KIAA1614: variants seen among roughly 807,000 people sequenced by gnomAD.
The protein encoded by KIAA1614 is KIAA1614.
Under a neutral mutation model 88.7 loss-of-function variants are expected in KIAA1614, and 76 were observed. That is an observed-to-expected ratio of 0.86 (90% CI 0.71 to 1.04). The LOEUF (loss-of-function observed/expected upper bound fraction) is 1.04. Among genes scored for constraint, KIAA1614 ranks in the 50% least tolerant of loss-of-function variants. KIAA1614 has a pLI of 0.00. For synonymous variants in KIAA1614, 714 were observed against 675.5 expected, an observed-to-expected ratio of 1.06 and a Z score of -0.88; for missense variants, 1,553 against 1,582.5, an observed-to-expected ratio of 0.98 and a Z score of 0.32.
chr1:180,918,886 G>A (rs144607498), intron 3 of KIAA1614, among the ~76,000 whole-genome samples: 301 of 152,282 alleles, frequency 2.0e-3, no homozygotes, highest in African/African-American at 6.2e-3. Context: ...TCACAGTTCT[G>A]GGGGCTGTGA....
Position 180,936,215 on chromosome 1 carries a change from G to A in KIAA1614, c.2306G>A (p.Ser769Asn). Residue 769 changes from serine to asparagine, a missense_variant, in exon 5 of 9, where the codon AGC becomes AAC. Ser to Asn is a conservative substitution (Grantham distance 46). Coordinates refer to ENST00000367588, the MANE Select transcript of KIAA1614 (RefSeq NM_020950.2). ...GPGGQAQVTESHESLEIVSPS... is the reference protein window; with the variant it reads ...GPGGQAQVTENHESLEIVSPS... ...GGAGGCCAGGCCCAGGTTACAGAAA[G>A]CCACGAGTCCCTGGAAATTGTCTCT... 6.2e-7 allele frequency: 1 copy of A among 1,614,172 alleles called. No homozygotes were observed. The highest frequency in any genetic ancestry group is 8.5e-7 in the Non-Finnish European group (1 of 1,180,020).
At position 180,916,892 on chromosome 1, in the gene KIAA1614, G is replaced by A. The variant is rs369293446; in HGVS notation, c.789G>A (p.Glu263=). ...DLDSTSLTSE[E]VFVPRTALLG... ...ATAGCACATCCCTGACCTCCGAGGAGGTCTTTGTCCCCAGGACGGCCCTGC... is the reference window on the plus strand; with the variant it reads ...ATAGCACATCCCTGACCTCCGAGGAAGTCTTTGTCCCCAGGACGGCCCTGC... Residue 263 remains glutamate, a synonymous_variant, in exon 2 of 9, where the codon GAG becomes GAA. Transcript: ENST00000367588. The A allele has an allele frequency of 2.1e-5, 34 of 1,614,124 alleles. No homozygotes were observed. The highest frequency in any genetic ancestry group is 2.8e-5 in the Non-Finnish European group (33 of 1,180,054).
intron 2 of KIAA1614, among the ~76,000 whole-genome samples, chr1:180,917,610 A>G (rs1410078022): frequency 6.6e-6 from 1 of 151,996 alleles, no homozygotes; most frequent in Admixed American, 6.5e-5. Flanking sequence ...CTCATTCCAA[A>G]ATCTCACAAG....
At chr1:180,932,011 T>C (rs1165433037) in intron 4 of KIAA1614, among the ~76,000 whole-genome samples, 1 of 151,978 alleles carries the variant, frequency 6.6e-6, no homozygotes, top group Non-Finnish European at 1.5e-5. Context: ...TTTTGGGGGC[T>C]ATGGGGAGGG....
rs180807002 is a variant in KIAA1614, at chr1:180,932,802, C to T, written c.1206-2313C>T. Among the ~76,000 whole-genome samples, 557 of 152,140 alleles carry T rather than the reference C, an allele frequency of 3.7e-3. 7 individuals carry two copies. The highest frequency in any genetic ancestry group is 0.01 in the African/African-American group (422 of 41,492). On this transcript the variant is annotated intron_variant, in intron 4 of 8. Coordinates refer to ENST00000367588, the MANE Select transcript of KIAA1614 (RefSeq NM_020950.2). ...GCACTCAGTATGGAGTGTAGCAGCA[C>T]GATCTTGGCTCACCACAACCTCTGC... is the stretch of plus-strand genomic sequence containing the variant.
intron 7 of KIAA1614, among the ~76,000 whole-genome samples, chr1:180,942,528 G>A (rs893683059): frequency 1.3e-5 from 2 of 152,232 alleles, no homozygotes; most frequent in African/African-American, 2.4e-5. Context: ...ACCAAAGACT[G>A]TCCAAGGCGT....
At position 180,935,802 on chromosome 1, in the gene KIAA1614, T is replaced by C. The variant is rs544916854; in HGVS notation, c.1893T>C (p.Ser631=). The change falls in exon 5 of 9, where the codon TCT becomes TCC. Residue 631 remains serine (S), a synonymous_variant. Transcript: ENST00000367588. The surrounding 1 kb of genome is among the most constrained non-coding windows in gnomAD (Gnocchi z 6.1). ...CCGACAGTGAGGAGGCGGGGACCTC[T>C]CAGGCTGGCTGGGCGTGTGGGCGGA... ...CRTDSEEAGT[S]QAGWACGRTQ... is the part of the protein sequence containing the mutation. 1.2e-6 allele frequency: 2 copies of C among 1,613,770 alleles called. No individual in the cohort carries two copies. The highest frequency in any genetic ancestry group is 2.2e-5 in the East Asian group (1 of 44,852).
chr1:180,916,247 C>T lies in KIAA1614; in HGVS notation c.144C>T (p.His48=). The change falls in exon 2 of 9, where the codon CAC becomes CAT. Residue 48 remains histidine, a synonymous_variant. Coordinates refer to ENST00000367588, the MANE Select transcript of KIAA1614 (RefSeq NM_020950.2). The stretch of plus-strand genomic sequence containing the variant: ...CTGAGCCACAGCTGGATAACGGACA[C>T]CCCCCAAGACCCTGGCCTTGCCCTC... ...SGPEPQLDNG[H]PPRPWPCPQE... is the part of the protein sequence containing the mutation. 1 of 1,613,192 alleles carries T rather than the reference C, an allele frequency of 6.2e-7. No homozygotes were observed. The highest frequency in any genetic ancestry group is 8.5e-7 in the Non-Finnish European group (1 of 1,179,814).
intron 3 of KIAA1614, among the ~76,000 whole-genome samples, chr1:180,918,332 G>A (rs968893758): frequency 3.3e-5 from 5 of 152,124 alleles, no homozygotes; most frequent in Non-Finnish European, 5.9e-5. Context: ...CCCCAATTCC[G>A]TTCCCAGTCA....
At chr1:180,940,360 G>T (rs1394536550) in intron 6 of KIAA1614, among the ~76,000 whole-genome samples, 1 of 152,166 alleles carries the variant, frequency 6.6e-6, no homozygotes, top group African/African-American at 2.4e-5. Context: ...AAGTAGCCGG[G>T]CGTGGTGGTG....
At position 180,948,687 on chromosome 1, in the gene KIAA1614, A is replaced by C. The variant is rs1465518361; in HGVS notation, c.*3099A>C. 1 of 152,278 alleles carries C rather than the reference A, an allele frequency of 6.6e-6. No individual in the cohort carries two copies. Among genetic ancestry groups the C allele is most frequent in the East Asian group, 1.9e-4 (1 of 5,190 alleles). The allele number at this position is 152,278 out of a possible 1,614,324, so 9.4% of individuals were successfully genotyped here. ...CACCAACCCGTAGACAGGGAGGGCA[A>C]GCAGTGAAAGGTCCATCTAGAGGAG... On this transcript the variant is annotated 3_prime_UTR_variant, in exon 9 of 9. Transcript: ENST00000367588.
intron 3 of KIAA1614, chr1:180,928,209 C>T (rs983251961): frequency 4.9e-5 from 24 of 488,790 alleles, no homozygotes; most frequent in Non-Finnish European, 6.7e-5. Flanking sequence ...GCCAGCTCCC[C>T]AGCCCCCATC....
chr1:180,913,210 G>A lies in KIAA1614; in HGVS notation c.-34G>A. 8.0e-7 allele frequency: 1 copy of A among 1,254,158 alleles called. No homozygotes were observed. The highest frequency in any genetic ancestry group is 3.5e-5 in the South Asian group (1 of 28,252). The allele number at this position is 1,254,158 out of a possible 1,614,324, so 77.7% of individuals were successfully genotyped here. On this transcript the variant is annotated 5_prime_UTR_variant, in exon 1 of 9. Transcript: ENST00000367588. The stretch of plus-strand genomic sequence containing the variant: ...AACCCAGCAGCTGGCCTGGGAGGGA[G>A]AAGGGGCTGGAGAGGGCCTGGCCTC...
intron 3 of KIAA1614, among the ~76,000 whole-genome samples, chr1:180,924,823 G>T (rs1337025904): frequency 6.6e-6 from 1 of 151,612 alleles, no homozygotes; most frequent in South Asian, 2.1e-4. Flanking sequence ...CATATTCGGG[G>T]ATTCCATCCT....
rs375003527 is a variant in KIAA1614, at chr1:180,916,596, G to A, written c.493G>A (p.Gly165Arg). The A allele has an allele frequency of 1.6e-4, 263 of 1,605,206 alleles. No individual in the cohort carries two copies. The African/African-American group carries it at 3.2e-3, about 20-fold the overall frequency. Residue 165 changes from glycine (G) to arginine (R), a missense_variant, in exon 2 of 9, where the codon GGA becomes AGA. Physicochemically the swap from Gly to Arg is moderately radical, Grantham distance 125 (BLOSUM62 -2). Transcript: ENST00000367588. ...CAATGAGGAGCAACCCGCCAGGGAT[G>A]GAGGCCCCAGGCTTCCCAGGCCGCC... The part of the protein sequence containing the change: ...SINEEQPARD[G>R]GPRLPRPPAP...
rs1250381795 is a variant in KIAA1614 at position 180,949,667 on chromosome 1, AGAG to A, written c.*4083_*4085del. On this transcript the variant is annotated 3_prime_UTR_variant, in exon 9 of 9. Transcript: ENST00000367588. ...GTGGGGAGGAGGGGGCATGTGCAGA[AGAG>A]GAGAGGGAGCCACCGCAGCTTTGAA... 1 of 152,534 alleles carries A rather than the reference AGAG, an allele frequency of 6.6e-6. No homozygotes were observed. The highest frequency in any genetic ancestry group is 6.5e-5 in the Admixed American group (1 of 15,306). 9.4% of individuals were successfully genotyped at this position (152,534 alleles called of 1,614,324 possible).
Position 180,950,522 on chromosome 1 carries a change from G to T in KIAA1614, c.*4934G>T. ...AATCCGTGTCCTGAGGCAGAGACCTGTCCCACGGTGACCCAGAAGTGCCGC... is the reference window on the plus strand; with the variant it reads ...AATCCGTGTCCTGAGGCAGAGACCTTTCCCACGGTGACCCAGAAGTGCCGC... On this transcript the variant is annotated 3_prime_UTR_variant, in exon 9 of 9. Transcript: ENST00000367588. The T allele has an allele frequency of 9.0e-7, 1 of 1,109,404 alleles. No individual in the cohort carries two copies. The highest frequency in any genetic ancestry group is 1.1e-6 in the Non-Finnish European group (1 of 897,764). 68.7% of individuals were successfully genotyped at this position (1,109,404 alleles called of 1,614,324 possible). A position where few individuals can be genotyped will look rare whatever the true frequency, so the allele number is the denominator to read the frequency against.
At position 180,913,266 on chromosome 1, in the gene KIAA1614, C is replaced by T; in HGVS notation, c.23C>T (p.Ala8Val). 1 of 1,259,608 alleles carries T rather than the reference C, an allele frequency of 7.9e-7. No homozygotes were observed. Among genetic ancestry groups the T allele is most frequent in the Non-Finnish European group, 1.0e-6 (1 of 996,646 alleles). The allele number at this position is 1,259,608 out of a possible 1,614,324, so 78.0% of individuals were successfully genotyped here. Residue 8 changes from alanine (A) to valine (V), a missense_variant, in exon 1 of 9, where the codon GCG becomes GTG. Ala to Val is a moderately conservative substitution (Grantham distance 64, BLOSUM62 0). Transcript: ENST00000367588. MEGTEAA[A>V]AKPAGGSPQG... is the part of the protein sequence containing the mutation. ...GGGATGGAGGGGACAGAGGCGGCGG[C>T]GGCCAAACCCGCGGGCGGCAGCCCC...
At chr1:180,921,075 G>A (rs7515564) in intron 3 of KIAA1614, among the ~76,000 whole-genome samples, 43,451 of 152,094 alleles carry the variant, frequency 0.29, 6,349 homozygotes, top group East Asian at 0.35. Context: ...TGAGCAACAA[G>A]TCTGTTTATT....
Sources: allele counts gnomAD v4.1 joint callset (sites outside exome capture counted in the v4.1 genomes callset), GRCh38; gene constraint gnomAD v4.1.1; non-coding constraint Gnocchi (gnomAD v3.1); transcripts MANE v1.5; gene names NCBI Gene and HGNC (gene_info 2026-07-23, HGNC 2026-07-21).